The following TMEM273 variants were observed in gnomAD, a reference collection of about 807,000 sequenced individuals.
The protein encoded by TMEM273 is chromosome 10 open reading frame 128.
In TMEM273, 19 loss-of-function variants were observed where a neutral mutation model predicts 17.9. The ratio of observed to expected loss-of-function variants is 1.06; its 90% confidence interval spans 0.74 to 1.55. The LOEUF (loss-of-function observed/expected upper bound fraction) is 1.55. Among genes scored for constraint, TMEM273 ranks in the 40% most tolerant of loss-of-function variants. The pLI is 0.00. For synonymous variants in TMEM273, 66 were observed against 62.0 expected, an observed-to-expected ratio of 1.07 and a Z score of -0.31; for missense variants, 194 against 155.6, an observed-to-expected ratio of 1.25 and a Z score of -1.31.
At chr10:49,174,650 C>T (rs1315340776) in intron 1 of TMEM273, among the ~76,000 whole-genome samples, 1 of 152,156 alleles carries the variant, frequency 6.6e-6, no homozygotes, top group Non-Finnish European at 1.5e-5. Flanking sequence ...AGAACCCAAA[C>T]CTACCTGGCA....
At chr10:49,175,365 G>A (rs1434159403) in intron 1 of TMEM273, among the ~76,000 whole-genome samples, 1 of 152,134 alleles carries the variant, frequency 6.6e-6, no homozygotes, top group East Asian at 1.9e-4. Flanking sequence ...TCTCCTCGCC[G>A]CACGCCACCC....
intron 1 of TMEM273, among the ~76,000 whole-genome samples, chr10:49,178,622 C>G (rs1042427037): frequency 1.3e-5 from 2 of 152,154 alleles, no homozygotes; most frequent in Admixed American, 1.3e-4. Flanking sequence ...TTGCTGGCAG[C>G]AATAGGAAGC....
rs61739968 is a variant in TMEM273, at chr10:49,188,379, G to C, written c.-43C>G. The C allele has an allele frequency of 4.1e-3, 6,608 of 1,613,844 alleles. 196 individuals are homozygous for C. The African/African-American group carries it at 0.072, about 18-fold the overall frequency. ...GGCTCCTGGCTCCTGGCTGCTGGCAGCGCAGGCACAATGAGCCATGTGACC... is the reference window on the plus strand; with the variant it reads ...GGCTCCTGGCTCCTGGCTGCTGGCACCGCAGGCACAATGAGCCATGTGACC... On this transcript the variant is annotated 5_prime_UTR_variant, in exon 1 of 7. Coordinates refer to ENST00000374153, the MANE Select transcript of TMEM273 (RefSeq NM_001288740.3).
chr10:49,161,197 C>A (rs1845819433), intron 6 of TMEM273: 1 of 218,424 alleles, frequency 4.6e-6, no homozygotes, highest in Non-Finnish European at 9.2e-6. Flanking sequence ...CACTGAGATG[C>A]AAATACCCAG....
At chr10:49,156,119 T>G (rs1212485172) in intron 6 of TMEM273, 80 of 1,539,382 alleles carry the variant, frequency 5.2e-5, no homozygotes, top group Non-Finnish European at 6.6e-5. Context: ...GAAGTTGTTT[T>G]CTGCCTGCCA....
At chr10:49,160,755 G>T (rs1845792931) in intron 6 of TMEM273, 1 of 152,166 alleles carries the variant, frequency 6.6e-6, no homozygotes, top group South Asian at 2.1e-4. Context: ...TTTGCAAGTA[G>T]ATCAGTCAAA....
intron 1 of TMEM273, 122 bp from the exon 2 acceptor site, chr10:49,168,084 CCAAT>C: frequency 1.7e-6 from 2 of 1,195,956 alleles, no homozygotes; most frequent in Non-Finnish European, 2.4e-6. Flanking sequence ...AGGTGGGCTC[CCAAT>C]TGCCATGGAG....
chr10:49,159,794 G>T (rs1845731543), intron 6 of TMEM273, among the ~76,000 whole-genome samples: 1 of 152,102 alleles, frequency 6.6e-6, no homozygotes, highest in Admixed American at 6.6e-5. Flanking sequence ...TGCTACCCTT[G>T]GGAGCAGGTC....
intron 1 of TMEM273, among the ~76,000 whole-genome samples, chr10:49,179,291 G>T (rs1847192677): frequency 2.0e-5 from 3 of 152,208 alleles, no homozygotes; most frequent in African/African-American, 7.2e-5. Flanking sequence ...GTATGTGTTG[G>T]CCTGTGGGGC....
At chr10:49,178,238 C>T (rs748283317) in intron 1 of TMEM273, 9 of 457,208 alleles carry the variant, frequency 2.0e-5, no homozygotes, top group Non-Finnish European at 3.1e-5. Flanking sequence ...TGCCCTTGCC[C>T]GGGGCCTCAG....
chr10:49,183,944 A>C (rs1847508740), intron 1 of TMEM273, among the ~76,000 whole-genome samples: 2 of 1,518 alleles, frequency 1.3e-3, no homozygotes, highest in East Asian at 0.5. Context: ...AGCTATAGCA[A>C]AAAAAAAAAA....
rs2725195 is a variant in TMEM273, at chr10:49,171,953, G to C, written c.44-3991C>G. ...GCCACCCTTATTTGGGCAGAATCAG[G>C]CTGTGGGATTCCCAGTTGTGGGCCA... On this transcript the variant is annotated intron_variant, in intron 1 of 6. Coordinates refer to ENST00000374153, the MANE Select transcript of TMEM273 (RefSeq NM_001288740.3). Among the ~76,000 whole-genome samples, 885 of 152,320 alleles carry C rather than the reference G, an allele frequency of 5.8e-3. 10 individuals are homozygous for C. The highest frequency in any genetic ancestry group is 0.02 in the African/African-American group (833 of 41,574).
intron 2 of TMEM273, among the ~76,000 whole-genome samples, chr10:49,167,383 G>T (rs996175780): frequency 1.3e-4 from 20 of 152,394 alleles, no homozygotes; most frequent in African/African-American, 3.6e-4. Flanking sequence ...GGTGAACACT[G>T]CAGGAGAATG....
Position 49,156,329 on chromosome 10 carries a change from G to A in TMEM273, c.373-420C>T, listed in dbSNP as rs1845506707. The A allele has an allele frequency of 1.1e-5, 14 of 1,261,462 alleles. No homozygotes were observed. The South Asian group carries it at 1.4e-4, about 13-fold the overall frequency. 78.1% of individuals were successfully genotyped at this position (1,261,462 alleles called of 1,614,324 possible). On this transcript the variant is annotated intron_variant, in intron 6 of 6. Coordinates refer to ENST00000374153, the MANE Select transcript of TMEM273 (RefSeq NM_001288740.3). Reference sequence around the variant, plus strand: ...AATAATGCCTTCACATCTGAACTACGAGCTGTTACAGAGGGTGAGACTTCT... The same window carrying A: ...AATAATGCCTTCACATCTGAACTACAAGCTGTTACAGAGGGTGAGACTTCT...
intron 2 of TMEM273, 62 bp from the exon 3 acceptor site, chr10:49,167,071 A>G: frequency 6.3e-7 from 1 of 1,591,864 alleles, no homozygotes; most frequent in Admixed American, 1.7e-5. Context: ...TCTGCATTCC[A>G]GATGAGGTCC....
chr10:49,167,076 A>T, intron 2 of TMEM273, 67 bp from the exon 3 acceptor site: 1 of 1,585,972 alleles, frequency 6.3e-7, no homozygotes, highest in South Asian at 1.2e-5. Context: ...ATTCCAGATG[A>T]GGTCCAAAGC....
At chr10:49,158,781 T>C (rs1244245360) in intron 6 of TMEM273, among the ~76,000 whole-genome samples, 1 of 152,176 alleles carries the variant, frequency 6.6e-6, no homozygotes, top group African/African-American at 2.4e-5. Context: ...AATAATTCAA[T>C]TGCCATTTGG....
intron 1 of TMEM273, among the ~76,000 whole-genome samples, chr10:49,180,438 C>A (rs774524793): frequency 1.2e-4 from 18 of 152,234 alleles, no homozygotes; most frequent in Non-Finnish European, 2.2e-4. Context: ...CTTCTCCCAT[C>A]AGGTGTCAGT....
At chr10:49,157,539 A>T (rs894964140) in intron 6 of TMEM273, among the ~76,000 whole-genome samples, 1 of 152,248 alleles carries the variant, frequency 6.6e-6, no homozygotes, top group Admixed American at 6.5e-5. Flanking sequence ...AAAACTAATA[A>T]TGAGGATTCC....
Sources: gnomAD v4.1 joint callset for allele counts (sites outside exome capture counted in the v4.1 genomes callset) on GRCh38, gnomAD v4.1.1 for gene constraint, MANE v1.5 for transcripts, NCBI Gene and HGNC (gene_info 2026-07-23, HGNC 2026-07-21) for gene names.